Variants in CNTNAP2 observed in about 807,000 individuals in gnomAD.
CNTNAP2 encodes the protein contactin-associated protein-like 2.
CNTNAP2 carries 98 observed loss-of-function variants against 155.2 expected under a neutral mutation model. The ratio of observed to expected loss-of-function variants is 0.63; its 90% confidence interval spans 0.54 to 0.75. The LOEUF (loss-of-function observed/expected upper bound fraction) is 0.75. Among genes scored for constraint, CNTNAP2 ranks in the 30% least tolerant of loss-of-function variants. The probability of loss-of-function intolerance (pLI) is 0.00; values close to 1 mark genes in which losing one functional copy is unlikely to be tolerated. For missense variants in CNTNAP2, 1,727 were observed against 1,688.1 expected, an observed-to-expected ratio of 1.02 and a Z score of -0.40; for synonymous variants, 651 against 631.2, an observed-to-expected ratio of 1.03 and a Z score of -0.47.
chr7:147,032,620 A>G (rs1584794613), intron 3 of CNTNAP2, among the ~76,000 whole-genome samples: 1 of 152,086 alleles, frequency 6.6e-6, no homozygotes, highest in East Asian at 1.9e-4. Flanking sequence ...TCAATCATGT[A>G]TTATAGTAAA....
At chr7:147,239,203 T>A (rs558795015) in intron 8 of CNTNAP2, among the ~76,000 whole-genome samples, 1 of 151,964 alleles carries the variant, frequency 6.6e-6, no homozygotes, top group South Asian at 2.1e-4. Flanking sequence ...TTTTTTTGAG[T>A]TTACATCTCA....
chr7:146,853,967 A>C (rs1794929523), intron 3 of CNTNAP2, among the ~76,000 whole-genome samples: 1 of 152,218 alleles, frequency 6.6e-6, no homozygotes, highest in Admixed American at 6.5e-5. Context: ...CATCTATTAG[A>C]AGTCAAACTG....
rs79980362 is a variant in CNTNAP2 at position 146,764,543 on chromosome 7, C to T, written c.98-9728C>T. 6.1e-3 allele frequency among the ~76,000 whole-genome samples: 927 copies of T among 151,300 alleles called. 8 individuals are homozygous for T. Among genetic ancestry groups the T allele is most frequent in the African/African-American group, 0.021 (882 of 41,338 alleles). On this transcript the variant is annotated intron_variant, in intron 1 of 23. Coordinates refer to ENST00000361727, the MANE Select transcript of CNTNAP2 (RefSeq NM_014141.6). Reference sequence around the variant, plus strand: ...CAAAAGCTTAATTTAAAAAAAAAGCCTCACAAATCTATTTCATTTCTAGTA... The same window carrying T: ...CAAAAGCTTAATTTAAAAAAAAAGCTTCACAAATCTATTTCATTTCTAGTA...
chr7:147,410,261 C>T (rs1163945467), intron 10 of CNTNAP2, among the ~76,000 whole-genome samples: 1 of 152,138 alleles, frequency 6.6e-6, no homozygotes, highest in Admixed American at 6.5e-5. Flanking sequence ...AGCTGGAGGC[C>T]ATTATCCTTA....
At chr7:148,375,517 G>A (rs1299976720) in intron 21 of CNTNAP2, among the ~76,000 whole-genome samples, 4 of 150,172 alleles carry the variant, frequency 2.7e-5, no homozygotes, top group African/African-American at 7.3e-5. Flanking sequence ...CCACCACCAC[G>A]CCCAGCTAAT....
At chr7:146,680,859 A>G (rs1470867985) in intron 1 of CNTNAP2, among the ~76,000 whole-genome samples, 3 of 152,212 alleles carry the variant, frequency 2.0e-5, no homozygotes, top group African/African-American at 7.2e-5. Context: ...GCATTCTTAC[A>G]TAGGTTCACT....
At chr7:148,220,254 C>T (rs972691228) in intron 19 of CNTNAP2, among the ~76,000 whole-genome samples, 4 of 152,224 alleles carry the variant, frequency 2.6e-5, no homozygotes, top group Admixed American at 6.5e-5. Flanking sequence ...AGGCGCCTGC[C>T]ACAACGCCCG....
At chr7:146,132,934 G>A (rs1264615922) in intron 1 of CNTNAP2, among the ~76,000 whole-genome samples, 1 of 148,238 alleles carries the variant, frequency 6.7e-6, no homozygotes, top group Non-Finnish European at 1.5e-5. Flanking sequence ...ACCCAGTAAT[G>A]GGATGGCTGG....
intron 22 of CNTNAP2, among the ~76,000 whole-genome samples, chr7:148,388,944 T>TG (rs916803868): frequency 5.3e-5 from 8 of 152,166 alleles, no homozygotes; most frequent in South Asian, 2.1e-4. Context: ...CTGCCCCTAC[T>TG]GGGGGGTGCC....
At chr7:148,343,684 A>C (rs556477635) in intron 21 of CNTNAP2, among the ~76,000 whole-genome samples, 24 of 152,308 alleles carry the variant, frequency 1.6e-4, no homozygotes, top group South Asian at 6.2e-4. Flanking sequence ...TTTCAAAAAT[A>C]CTCATTTAAA....
At chr7:146,712,355 AT>A (rs1801107866) in intron 1 of CNTNAP2, among the ~76,000 whole-genome samples, 1 of 144,408 alleles carries the variant, frequency 6.9e-6, no homozygotes, top group African/African-American at 2.6e-5. Flanking sequence ...TATCTTATGT[AT>A]ACTATATAGT....
chr7:147,559,859 C>G (rs1200937054), intron 11 of CNTNAP2, among the ~76,000 whole-genome samples: 1 of 125,088 alleles, frequency 8.0e-6, no homozygotes, highest in South Asian at 2.6e-4. Context: ...TATGTCTTGC[C>G]GATCTTAAAA....
chr7:148,373,301 CA>C (rs35373060), intron 21 of CNTNAP2, among the ~76,000 whole-genome samples: 37,916 of 151,780 alleles, frequency 0.25, 5,224 homozygotes, highest in African/African-American at 0.36. Flanking sequence ...ACTAAAAATA[CA>C]AAAATTAGCC....
At chr7:147,707,320 C>T (rs941322100) in intron 13 of CNTNAP2, among the ~76,000 whole-genome samples, 1 of 152,174 alleles carries the variant, frequency 6.6e-6, no homozygotes, top group African/African-American at 2.4e-5. Flanking sequence ...TTGGGTAGGA[C>T]ACTTTGGCTT....
intron 13 of CNTNAP2, among the ~76,000 whole-genome samples, chr7:147,730,569 T>C (rs943794286): frequency 2.0e-5 from 3 of 151,930 alleles, no homozygotes; most frequent in African/African-American, 7.3e-5. Flanking sequence ...TTCTAACTGC[T>C]CCACCGACCA....
At chr7:148,050,934 G>A (rs1158797520) in intron 15 of CNTNAP2, among the ~76,000 whole-genome samples, 2 of 152,158 alleles carry the variant, frequency 1.3e-5, no homozygotes, top group Admixed American at 1.3e-4. Context: ...GTATGTAGTA[G>A]GCTATACAGT....
intron 20 of CNTNAP2, among the ~76,000 whole-genome samples, chr7:148,234,383 T>C (rs1001356861): frequency 6.6e-6 from 1 of 152,200 alleles, no homozygotes; most frequent in Admixed American, 6.5e-5. Context: ...TAGTTCAAAA[T>C]ATGCAAAAAC....
chr7:147,614,709 GA>G (rs1214404448), intron 12 of CNTNAP2, among the ~76,000 whole-genome samples: 2 of 149,352 alleles, frequency 1.3e-5, no homozygotes, highest in African/African-American at 2.5e-5. Flanking sequence ...TCTTTCTGAT[GA>G]AAAAAAAAGA....
intron 1 of CNTNAP2, among the ~76,000 whole-genome samples, chr7:146,327,153 T>C (rs1267283922): frequency 6.6e-6 from 1 of 152,102 alleles, no homozygotes; most frequent in Non-Finnish European, 1.5e-5. Context: ...TATTCAAGGG[T>C]ATTTGAAGAA....
Sources: gnomAD v4.1 joint callset for allele counts (sites outside exome capture counted in the v4.1 genomes callset) on GRCh38, gnomAD v4.1.1 for gene constraint, MANE v1.5 for transcripts, NCBI Gene and HGNC (gene_info 2026-07-23, HGNC 2026-07-21) for gene names.